Variants in PRKCE observed in about 807,000 individuals in gnomAD.
PRKCE encodes the protein protein kinase C epsilon type.
A neutral mutation model predicts 85.4 loss-of-function variants in PRKCE; 16 were observed. That is an observed-to-expected ratio of 0.19 (90% CI 0.13 to 0.28). PRKCE has a LOEUF of 0.28. Ranked by LOEUF, PRKCE falls within the 10% of genes least tolerant of loss-of-function variation. The pLI is 1.00. For missense variants in PRKCE, 573 were observed against 975.2 expected, an observed-to-expected ratio of 0.59 and a Z score of 5.49; for synonymous variants, 388 against 371.5, an observed-to-expected ratio of 1.04 and a Z score of -0.51.
chr2:45,919,598 A>C (rs78396202), intron 2 of PRKCE, among the ~76,000 whole-genome samples: 1 of 152,212 alleles, frequency 6.6e-6, no homozygotes, highest in Non-Finnish European at 1.5e-5. Context: ...GAGAACACCA[A>C]TAGGATCAGG....
At chr2:46,085,061 A>G (rs1482071059) in intron 10 of PRKCE, among the ~76,000 whole-genome samples, 6 of 152,134 alleles carry the variant, frequency 3.9e-5, no homozygotes, top group Non-Finnish European at 8.8e-5. Flanking sequence ...TAAGCTCCCC[A>G]GGACAGCAAT....
intron 1 of PRKCE, among the ~76,000 whole-genome samples, chr2:45,660,408 G>A (rs60394424): frequency 0.12 from 18,791 of 152,182 alleles, 1,260 homozygotes; most frequent in East Asian, 0.22. Flanking sequence ...TTTCCCAAAA[G>A]TAGGAATTTT....
At chr2:45,971,011 T>C (rs1460702449) in intron 2 of PRKCE, among the ~76,000 whole-genome samples, 1 of 151,658 alleles carries the variant, frequency 6.6e-6, no homozygotes, top group African/African-American at 2.4e-5. Flanking sequence ...ATTTTATTTA[T>C]TTTTTTTGTG....
chr2:46,062,347 A>G (rs1667223280), intron 10 of PRKCE, among the ~76,000 whole-genome samples: 1 of 152,174 alleles, frequency 6.6e-6, no homozygotes, highest in Non-Finnish European at 1.5e-5. Flanking sequence ...GTGACAGGTC[A>G]TCCCTGTGGG....
At chr2:45,720,411 G>T (rs1036454721) in intron 1 of PRKCE, among the ~76,000 whole-genome samples, 2 of 152,134 alleles carry the variant, frequency 1.3e-5, no homozygotes, top group African/African-American at 4.8e-5. Context: ...GTAGCTTGGG[G>T]AGTTTTCTGT....
chr2:45,760,441 C>T (rs776987036), intron 1 of PRKCE, among the ~76,000 whole-genome samples: 2 of 152,108 alleles, frequency 1.3e-5, no homozygotes, highest in East Asian at 3.8e-4. Flanking sequence ...TTCTTCCTGG[C>T]ACATTTTTCT....
At chr2:46,099,843 G>A (rs1039261599) in intron 11 of PRKCE, among the ~76,000 whole-genome samples, 2 of 152,048 alleles carry the variant, frequency 1.3e-5, no homozygotes, top group Non-Finnish European at 2.9e-5. Flanking sequence ...ACTTCTCACT[G>A]GACCGCTCTT....
intron 6 of PRKCE, among the ~76,000 whole-genome samples, chr2:46,000,148 TTG>T (rs1303961043): frequency 1.3e-4 from 19 of 151,694 alleles, no homozygotes; most frequent in African/African-American, 4.6e-4. Context: ...TGGGGTTTTT[TTG>T]TTTTTTTTTT....
In PRKCE at chr2:45,983,288, C is replaced by T. The variant is rs184455109; in HGVS notation, c.694-1263C>T. ...TCTCATTTCACCCCTCATTAGTCCC[C>T]CACGGGGGCCTGTTACTTATCAGTC... On this transcript the variant is annotated intron_variant, in intron 5 of 14. Coordinates refer to ENST00000306156, the MANE Select transcript of PRKCE (RefSeq NM_005400.3). Among the ~76,000 whole-genome samples the T allele has an allele frequency of 9.2e-5, 14 of 152,274 alleles. No homozygotes were observed. In the East Asian group the frequency reaches 2.5e-3, roughly 27 times the overall value.
intron 2 of PRKCE, among the ~76,000 whole-genome samples, chr2:45,932,548 C>A (rs1264501282): frequency 6.6e-6 from 1 of 152,216 alleles, no homozygotes; most frequent in Non-Finnish European, 1.5e-5. Flanking sequence ...AGTTGCTTCA[C>A]AACCCTGCCA....
At chr2:45,850,867 A>G (rs1020495221) in intron 2 of PRKCE, among the ~76,000 whole-genome samples, 4 of 152,288 alleles carry the variant, frequency 2.6e-5, no homozygotes, top group Admixed American at 6.5e-5. Context: ...TTCAGTTGGA[A>G]GCATCATTTA....
intron 1 of PRKCE, among the ~76,000 whole-genome samples, chr2:45,748,563 A>G (rs1683315539): frequency 1.4e-5 from 2 of 147,754 alleles, no homozygotes; most frequent in Non-Finnish European, 3.0e-5. Flanking sequence ...TGACTCAAAT[A>G]CCTAATGTCC....
At chr2:45,714,433 G>A (rs568620337) in intron 1 of PRKCE, among the ~76,000 whole-genome samples, 2 of 152,238 alleles carry the variant, frequency 1.3e-5, no homozygotes, top group Non-Finnish European at 2.9e-5. Context: ...AACTGCACTT[G>A]CAGAGGCCAT....
At chr2:46,012,209 G>A (rs920347857) in intron 10 of PRKCE, among the ~76,000 whole-genome samples, 2 of 152,042 alleles carry the variant, frequency 1.3e-5, no homozygotes, top group African/African-American at 4.8e-5. Context: ...CCTCACACTT[G>A]ACAGGTACCC....
At chr2:45,957,679 G>A (rs1052446250) in intron 2 of PRKCE, among the ~76,000 whole-genome samples, 9 of 152,036 alleles carry the variant, frequency 5.9e-5, no homozygotes, top group African/African-American at 2.2e-4. Context: ...CGGAGGCCAA[G>A]GTGGAAAGAT....
intron 1 of PRKCE, among the ~76,000 whole-genome samples, chr2:45,722,022 G>A (rs954207560): frequency 4.6e-5 from 7 of 151,764 alleles, no homozygotes; most frequent in African/African-American, 1.7e-4. Flanking sequence ...ATTCCAGAGA[G>A]TTTCTGTTTA....
intron 1 of PRKCE, among the ~76,000 whole-genome samples, chr2:45,741,884 T>C (rs1170804686): frequency 6.6e-6 from 1 of 152,138 alleles, no homozygotes; most frequent in African/African-American, 2.4e-5. Context: ...ACCCAGGGTC[T>C]CTCCTTTAAA....
At chr2:45,707,137 G>T (rs1679179234) in intron 1 of PRKCE, among the ~76,000 whole-genome samples, 1 of 152,182 alleles carries the variant, frequency 6.6e-6, no homozygotes, top group Non-Finnish European at 1.5e-5. Flanking sequence ...TTTGATGATT[G>T]CAGTGGAAGT....
chr2:45,826,575 C>T (rs1689957452), intron 1 of PRKCE, among the ~76,000 whole-genome samples: 1 of 152,138 alleles, frequency 6.6e-6, no homozygotes, highest in Admixed American at 6.5e-5. Context: ...CTGCCAACTA[C>T]CAAATTCAGG....
Sources: allele counts gnomAD v4.1 joint callset (sites outside exome capture counted in the v4.1 genomes callset), GRCh38; gene constraint gnomAD v4.1.1; transcripts MANE v1.5; gene names NCBI Gene and HGNC (gene_info 2026-07-23, HGNC 2026-07-21).